Variants in POU6F2 observed in about 807,000 individuals in gnomAD.
POU6F2 encodes the protein POU class 6 homeobox 2, also known as POU domain, class 6, transcription factor 2.
In POU6F2, 31 loss-of-function variants were observed where a neutral mutation model predicts 71.3. That is an observed-to-expected ratio of 0.43 (90% CI 0.33 to 0.59). The LOEUF is 0.59. Among genes scored for constraint, POU6F2 ranks in the 20% least tolerant of loss-of-function variants. The pLI is 0.04. For missense variants in POU6F2, 783 were observed against 856.8 expected, an observed-to-expected ratio of 0.91 and a Z score of 1.07; for synonymous variants, 347 against 355.7, an observed-to-expected ratio of 0.98 and a Z score of 0.27.
At chr7:39,239,470 A>T (rs968603234) in intron 4 of POU6F2, among the ~76,000 whole-genome samples, 2 of 152,164 alleles carry the variant, frequency 1.3e-5, no homozygotes, top group African/African-American at 4.8e-5. Flanking sequence ...CAGAAATATT[A>T]ATGTGCTTCA....
intron 1 of POU6F2, among the ~76,000 whole-genome samples, chr7:39,085,430 T>C (rs1274870142): frequency 1.3e-5 from 2 of 152,010 alleles, no homozygotes; most frequent in Non-Finnish European, 2.9e-5. Context: ...CTCCATAGGG[T>C]GCTCTTCCTT....
chr7:39,372,168 G>A (rs1224537800), intron 5 of POU6F2, among the ~76,000 whole-genome samples: 1 of 152,100 alleles, frequency 6.6e-6, no homozygotes. Context: ...CAGTCCTCTG[G>A]CTTTAGCCTC....
At chr7:38,989,729 T>C (rs890596185) in intron 1 of POU6F2, among the ~76,000 whole-genome samples, 3 of 150,908 alleles carry the variant, frequency 2.0e-5, no homozygotes, top group Non-Finnish European at 4.4e-5. Flanking sequence ...TCCTGAGAAG[T>C]AAGATATATA....
At chr7:39,106,911 CTGTCT>C (rs1325886168) in intron 2 of POU6F2, among the ~76,000 whole-genome samples, 1 of 152,030 alleles carries the variant, frequency 6.6e-6, no homozygotes, top group Non-Finnish European at 1.5e-5. Context: ...TTTACTTTGC[CTGTCT>C]TTGATTACTA....
intron 4 of POU6F2, among the ~76,000 whole-genome samples, chr7:39,288,973 A>C (rs1270913995): frequency 6.6e-6 from 1 of 152,204 alleles, no homozygotes; most frequent in East Asian, 1.9e-4. Context: ...TTTTGAGCCC[A>C]AAACGGTGCG....
chr7:39,313,350 A>G (rs1785203474), intron 4 of POU6F2, among the ~76,000 whole-genome samples: 1 of 151,698 alleles, frequency 6.6e-6, no homozygotes, highest in African/African-American at 2.4e-5. Flanking sequence ...TAAAATTCCA[A>G]TACCCCCAAC....
chr7:39,378,833 A>T (rs1786764488), intron 5 of POU6F2, among the ~76,000 whole-genome samples: 1 of 152,238 alleles, frequency 6.6e-6, no homozygotes, highest in Admixed American at 6.5e-5. Context: ...TCATGTGCAT[A>T]TAGAAGTGTC....
At chr7:39,326,764 G>A (rs144036921) in intron 4 of POU6F2, among the ~76,000 whole-genome samples, 10 of 152,268 alleles carry the variant, frequency 6.6e-5, no homozygotes, top group South Asian at 2.1e-4. Context: ...TATTCGAGGA[G>A]CAGAATTTTC....
intron 2 of POU6F2, among the ~76,000 whole-genome samples, chr7:39,101,736 C>T (rs1481870964): frequency 6.6e-6 from 1 of 151,988 alleles, no homozygotes; most frequent in Non-Finnish European, 1.5e-5. Flanking sequence ...GTTTGCACCA[C>T]AAAGAAATAA....
chr7:39,367,574 A>T (rs988009573), intron 5 of POU6F2, among the ~76,000 whole-genome samples: 1 of 152,218 alleles, frequency 6.6e-6, no homozygotes, highest in Non-Finnish European at 1.5e-5. Context: ...ACAGAGTATC[A>T]TAGTAATAAA....
At chr7:39,232,189 A>G (rs1166994330) in intron 4 of POU6F2, among the ~76,000 whole-genome samples, 3 of 152,198 alleles carry the variant, frequency 2.0e-5, no homozygotes, top group Non-Finnish European at 2.9e-5. Context: ...ATAAAAATGT[A>G]TGATGTTTAT....
chr7:39,307,074 G>A (rs1193543224), intron 4 of POU6F2, among the ~76,000 whole-genome samples: 5 of 152,172 alleles, frequency 3.3e-5, no homozygotes, highest in African/African-American at 1.2e-4. Context: ...ACCAAATGAT[G>A]GCTTGAGAGA....
At chr7:39,381,603 G>A (rs1451974217) in intron 5 of POU6F2, among the ~76,000 whole-genome samples, 2 of 151,934 alleles carry the variant, frequency 1.3e-5, no homozygotes, top group Admixed American at 1.3e-4. Flanking sequence ...TTTCACCTTG[G>A]GTCACATTTC....
Position 39,263,841 on chromosome 7 carries a change from T to C in POU6F2, c.598+56221T>C, listed in dbSNP as rs188373754. 2.2e-3 allele frequency among the ~76,000 whole-genome samples: 331 copies of C among 152,336 alleles called. 2 individuals carry two copies. Among genetic ancestry groups the C allele is most frequent in the Admixed American group, 0.021 (315 of 15,294 alleles). The stretch of plus-strand genomic sequence containing the variant: ...CCCCGAAGGCAGGAACTGTTTTTAC[T>C]TCACTGTTGTCTCTCCAGAGCCTCT... On this transcript the variant is annotated intron_variant, in intron 4 of 9. Coordinates refer to ENST00000518318, the MANE Select transcript of POU6F2 (RefSeq NM_001370959.1).
chr7:39,191,873 A>G (rs144201801), intron 2 of POU6F2, among the ~76,000 whole-genome samples: 1 of 152,334 alleles, frequency 6.6e-6, no homozygotes, highest in East Asian at 1.9e-4. Context: ...TAAGAGACAC[A>G]TGAATTGGAC....
chr7:39,432,113 A>G (rs553949883), intron 6 of POU6F2, among the ~76,000 whole-genome samples: 3 of 152,328 alleles, frequency 2.0e-5, no homozygotes, highest in South Asian at 4.1e-4. Flanking sequence ...TCCAGATTCT[A>G]TGGACACCCA....
chr7:39,466,472 A>G lies in POU6F2; in HGVS notation c.*1786A>G, dbSNP rs1480249216. On this transcript the variant is annotated 3_prime_UTR_variant, in exon 10 of 10. Transcript: ENST00000518318. ...GAGCTGTCAATTTGCTTGCTGTTGA[A>G]ATGTACATATTTATGCATAATTTAT... 6.6e-6 allele frequency: 1 copy of G among 152,236 alleles called. No homozygotes were observed. The highest frequency in any genetic ancestry group is 1.5e-5 in the Non-Finnish European group (1 of 68,046). The allele number at this position is 152,236 out of a possible 1,614,324, so 9.4% of individuals were successfully genotyped here. A position where few individuals can be genotyped will look rare whatever the true frequency, so the allele number is the denominator to read the frequency against.
intron 2 of POU6F2, among the ~76,000 whole-genome samples, chr7:39,142,195 T>C (rs1341172903): frequency 6.6e-6 from 1 of 152,204 alleles, no homozygotes; most frequent in Non-Finnish European, 1.5e-5. Context: ...TCTTTAACTC[T>C]TTTGTGAAGA....
In POU6F2 at chr7:39,419,147, A is replaced by G. The variant is rs150876777; in HGVS notation, c.1113+12407A>G. 8.4e-3 allele frequency among the ~76,000 whole-genome samples: 1,191 copies of G among 141,330 alleles called. 11 individuals are homozygous for G. Among genetic ancestry groups the G allele is most frequent in the Middle Eastern group, 0.026 (7 of 268 alleles). 92.7% of individuals were successfully genotyped at this position (141,330 alleles called of 152,430 possible). A position where few individuals can be genotyped will look rare whatever the true frequency, so the allele number is the denominator to read the frequency against. ...TGTATATATACACATATATATACGTATATATGTGTATATATACACATATAT... is the reference window on the plus strand; with the variant it reads ...TGTATATATACACATATATATACGTGTATATGTGTATATATACACATATAT... On this transcript the variant is annotated intron_variant, in intron 6 of 9. Transcript: ENST00000518318.
Sources: gnomAD v4.1 joint callset for allele counts (sites outside exome capture counted in the v4.1 genomes callset) on GRCh38, gnomAD v4.1.1 for gene constraint, MANE v1.5 for transcripts, NCBI Gene and HGNC (gene_info 2026-07-23, HGNC 2026-07-21) for gene names.